The following MACROD2 variants were observed in gnomAD, a reference collection of about 807,000 sequenced individuals.
MACROD2 encodes ADP-ribose glycohydrolase MACROD2.
A neutral mutation model predicts 70.4 loss-of-function variants in MACROD2; 36 were observed. The observed-to-expected ratio is 0.51, with a 90% CI of 0.39 to 0.68. The LOEUF is 0.68. Among genes scored for constraint, MACROD2 ranks in the 30% least tolerant of loss-of-function variants. The pLI, the probability that MACROD2 is intolerant of heterozygous loss-of-function variation, is 0.00. For missense variants in MACROD2, 496 were observed against 538.4 expected (o/e 0.92, Z 0.78); for synonymous variants, 172 against 178.8 (o/e 0.96, Z 0.30).
intron 6 of MACROD2, among the ~76,000 whole-genome samples, chr20:15,291,860 T>G (rs2077543674): frequency 1.3e-5 from 2 of 152,160 alleles, no homozygotes; most frequent in South Asian, 4.1e-4. Context: ...AATGACTAGT[T>G]TTATTACTAC....
intron 3 of MACROD2, among the ~76,000 whole-genome samples, chr20:14,108,884 C>T (rs2054407982): frequency 1.3e-5 from 2 of 152,114 alleles, no homozygotes; most frequent in South Asian, 2.1e-4. Flanking sequence ...CAAAGAAACA[C>T]TGGACTTAAC....
At chr20:15,843,980 T>C (rs778726962) in intron 8 of MACROD2, among the ~76,000 whole-genome samples, 2 of 151,952 alleles carry the variant, frequency 1.3e-5, no homozygotes, top group Non-Finnish European at 2.9e-5. Flanking sequence ...TTGCCTTATA[T>C]GGATAATCTC....
chr20:15,240,073 CTA>C (rs1363945871), intron 6 of MACROD2, among the ~76,000 whole-genome samples: 1 of 152,168 alleles, frequency 6.6e-6, no homozygotes, highest in Non-Finnish European at 1.5e-5. Context: ...CCAAATGAGA[CTA>C]TAATGAGTAT....
At chr20:14,806,477 C>T (rs2122157769) in intron 5 of MACROD2, among the ~76,000 whole-genome samples, 1 of 152,134 alleles carries the variant, frequency 6.6e-6, no homozygotes, top group African/African-American at 2.4e-5. Flanking sequence ...GCCTATACCA[C>T]CAGGGCCCTG....
intron 8 of MACROD2, among the ~76,000 whole-genome samples, chr20:15,686,543 C>A (rs966128277): frequency 6.6e-6 from 1 of 151,998 alleles, no homozygotes; most frequent in East Asian, 1.9e-4. Context: ...TAGAAAGGGG[C>A]TTTCAACCAA....
chr20:15,434,157 G>A (rs993175968), intron 7 of MACROD2, among the ~76,000 whole-genome samples: 3 of 151,906 alleles, frequency 2.0e-5, no homozygotes, highest in Non-Finnish European at 2.9e-5. Flanking sequence ...AAAAGCAGAT[G>A]CAACAAAAAC....
intron 5 of MACROD2, among the ~76,000 whole-genome samples, chr20:14,892,033 C>T (rs992698108): frequency 1.3e-5 from 2 of 152,140 alleles, no homozygotes; most frequent in African/African-American, 4.8e-5. Flanking sequence ...AGTATTCTAT[C>T]ATGTGACTGT....
intron 5 of MACROD2, among the ~76,000 whole-genome samples, chr20:14,721,023 G>C (rs1284426641): frequency 6.6e-6 from 1 of 152,040 alleles, no homozygotes; most frequent in Non-Finnish European, 1.5e-5. Context: ...GGGAGGCCGA[G>C]GCGGGTGGGT....
chr20:15,500,316 A>C (rs1214730813), intron 8 of MACROD2, among the ~76,000 whole-genome samples: 2 of 152,212 alleles, frequency 1.3e-5, no homozygotes, highest in African/African-American at 4.8e-5. Context: ...GGCTTGTATA[A>C]TTGATCACAA....
At chr20:15,802,477 A>C (rs985845069) in intron 8 of MACROD2, among the ~76,000 whole-genome samples, 5 of 152,142 alleles carry the variant, frequency 3.3e-5, no homozygotes, top group African/African-American at 1.2e-4. Flanking sequence ...CATTCTGTTG[A>C]TGTGCTGTAT....
intron 8 of MACROD2, among the ~76,000 whole-genome samples, chr20:15,549,616 C>T (rs1369133525): frequency 6.6e-6 from 1 of 152,192 alleles, no homozygotes; most frequent in Non-Finnish European, 1.5e-5. Context: ...AGTCTCACCT[C>T]CAGGGAGGGA....
chr20:15,836,204 T>C (rs1325673226), intron 8 of MACROD2, among the ~76,000 whole-genome samples: 3 of 152,228 alleles, frequency 2.0e-5, no homozygotes, highest in Non-Finnish European at 4.4e-5. Flanking sequence ...ACTCTGGAGA[T>C]TACAGAACTG....
intron 8 of MACROD2, among the ~76,000 whole-genome samples, chr20:15,734,678 A>G (rs1350005727): frequency 1.3e-5 from 2 of 152,128 alleles, no homozygotes; most frequent in Non-Finnish European, 2.9e-5. Flanking sequence ...CCTTTTACCT[A>G]TTTCTTGTCC....
intron 3 of MACROD2, among the ~76,000 whole-genome samples, chr20:14,312,710 T>G (rs1297904517): frequency 6.6e-6 from 1 of 152,216 alleles, no homozygotes; most frequent in Non-Finnish European, 1.5e-5. Context: ...ACTACTATAT[T>G]AAGTACTTCA....
At chr20:15,371,777 TA>T (rs1280243919) in intron 6 of MACROD2, among the ~76,000 whole-genome samples, 1 of 152,170 alleles carries the variant, frequency 6.6e-6, no homozygotes, top group Non-Finnish European at 1.5e-5. Context: ...GAATAGTTAA[TA>T]AAAGAAATAA....
chr20:14,644,954 C>T lies in MACROD2; in HGVS notation c.302-39889C>T, dbSNP rs140364223. ...CAAATAATATGATGACTACAGGATA[C>T]TACATTCTGATGAAGACTTTACACT... On this transcript the variant is annotated intron_variant, in intron 4 of 17. Transcript: ENST00000684519. Among the ~76,000 whole-genome samples, 290 of 152,186 alleles carry T rather than the reference C, an allele frequency of 1.9e-3. 1 individual carries two copies. Among genetic ancestry groups the T allele is most frequent in the African/African-American group, 6.7e-3 (277 of 41,536 alleles).
chr20:15,051,338 ATGTGTG>A (rs6147297), intron 5 of MACROD2, among the ~76,000 whole-genome samples: 10,501 of 128,680 alleles, frequency 0.082, 517 homozygotes, highest in Non-Finnish European at 0.1. Flanking sequence ...TCAGTAGGAG[ATGTGTG>A]TGTGTGTGTG....
In MACROD2 at chr20:15,025,477, A is replaced by G. The variant is rs1600967332; in HGVS notation, c.419-204463A>G. ...TTAGTGTGACAAATAGGAAAATGAA[A>G]CAAAGGGGGTGGGGGAGGGCACAGA... On this transcript the variant is annotated intron_variant, in intron 5 of 17. Coordinates refer to ENST00000684519, the MANE Select transcript of MACROD2 (RefSeq NM_001351661.2). Among the ~76,000 whole-genome samples, 3 of 150,514 alleles carry G rather than the reference A, an allele frequency of 2.0e-5. No individual in the cohort carries two copies. In the South Asian group the frequency reaches 6.5e-4, roughly 32 times the overall value.
intron 6 of MACROD2, among the ~76,000 whole-genome samples, chr20:15,357,435 C>A (rs796844042): frequency 6.6e-6 from 1 of 152,064 alleles, no homozygotes; most frequent in African/African-American, 2.4e-5. Context: ...GAAATTTTGA[C>A]CTAAAACAAC....
Sources: allele counts gnomAD v4.1 joint callset (sites outside exome capture counted in the v4.1 genomes callset), GRCh38; gene constraint gnomAD v4.1.1; transcripts MANE v1.5; gene names NCBI Gene and HGNC (gene_info 2026-07-23, HGNC 2026-07-21).